Variants in PHYHIPL observed in about 807,000 individuals in gnomAD.
The protein encoded by PHYHIPL is phytanoyl-CoA hydroxylase-interacting protein-like.
A neutral mutation model predicts 33.4 loss-of-function variants in PHYHIPL; 9 were observed. That is an observed-to-expected ratio of 0.27 (90% CI 0.16 to 0.47). The LOEUF (loss-of-function observed/expected upper bound fraction) is 0.47. Among genes scored for constraint, PHYHIPL ranks in the 20% least tolerant of loss-of-function variants. The pLI is 0.99. For missense variants in PHYHIPL, 365 were observed against 460.7 expected (o/e 0.79, Z 1.90); for synonymous variants, 153 against 154.1 (o/e 0.99, Z 0.05).
intron 1 of PHYHIPL, among the ~76,000 whole-genome samples, chr10:59,233,986 T>C (rs2133285014): frequency 1.3e-5 from 2 of 151,858 alleles, no homozygotes; most frequent in Middle Eastern, 3.4e-3. Flanking sequence ...ATTATCAACA[T>C]GTCTATGAAA....
intron 1 of PHYHIPL, among the ~76,000 whole-genome samples, chr10:59,216,811 A>C (rs572128902): frequency 6.6e-6 from 1 of 152,260 alleles, no homozygotes; most frequent in Admixed American, 6.5e-5. Flanking sequence ...CTGAAGGGAT[A>C]TAGAAGTAAG....
At chr10:59,185,440 T>C (rs2133187628) in intron 1 of PHYHIPL, among the ~76,000 whole-genome samples, 1 of 152,314 alleles carries the variant, frequency 6.6e-6, no homozygotes, top group Non-Finnish European at 1.5e-5. Flanking sequence ...TGCATGTGTC[T>C]TTATAGCAGC....
chr10:59,197,060 A>G (rs1838942409), intron 1 of PHYHIPL, among the ~76,000 whole-genome samples: 4 of 152,318 alleles, frequency 2.6e-5, no homozygotes, highest in African/African-American at 9.6e-5. Context: ...CCACAAATTT[A>G]GAAGCATGTT....
At chr10:59,186,323 C>G (rs912774574) in intron 1 of PHYHIPL, among the ~76,000 whole-genome samples, 1 of 151,936 alleles carries the variant, frequency 6.6e-6, no homozygotes, top group African/African-American at 2.4e-5. Flanking sequence ...CCATTGGTCT[C>G]TATCTCTGTT....
rs147249230 is a variant in PHYHIPL at position 59,177,449 on chromosome 10, T to C, written c.106+490T>C. ...CTCAGACTCCCCAAATTAACAAGTC[T>C]TTTTAGCCTCTTGGATTGGGATTAG... On this transcript the variant is annotated intron_variant, in intron 1 of 4. Transcript: ENST00000373880. 3,185 of 1,512,310 alleles carry C rather than the reference T, an allele frequency of 2.1e-3. 11 individuals carry two copies. Among genetic ancestry groups the C allele is most frequent in the African/African-American group, 0.011 (783 of 71,616 alleles). 93.7% of individuals were successfully genotyped at this position (1,512,310 alleles called of 1,614,324 possible).
At chr10:59,185,199 C>G (rs1364949181) in intron 1 of PHYHIPL, among the ~76,000 whole-genome samples, 1 of 151,652 alleles carries the variant, frequency 6.6e-6, no homozygotes, top group Admixed American at 6.6e-5. Context: ...ACCGTTTTAG[C>G]CGGGATGGTC....
chr10:59,219,330 T>C (rs1210016798), intron 1 of PHYHIPL: 3 of 639,750 alleles, frequency 4.7e-6, no homozygotes, highest in Non-Finnish European at 3.9e-6. Context: ...TATTCTGTGA[T>C]ATGGTATATA....
Position 59,247,406 on chromosome 10 carries a change from T to G in PHYHIPL, c.*1815T>G. 1.8e-6 allele frequency: 1 copy of G among 555,648 alleles called. No individual in the cohort carries two copies. Among genetic ancestry groups the G allele is most frequent in the Non-Finnish European group, 3.1e-6 (1 of 324,202 alleles). 34.4% of individuals were successfully genotyped at this position (555,648 alleles called of 1,614,324 possible). A position where few individuals can be genotyped will look rare whatever the true frequency, so the allele number is the denominator to read the frequency against. On this transcript the variant is annotated 3_prime_UTR_variant, in exon 5 of 5. Transcript: ENST00000373880. ...TGGAGGACACTGAATTTTTTCCCAA[T>G]TATATGGCTACCTGTTGTATTCTTC...
At chr10:59,239,966 T>C (rs1403755395) in intron 4 of PHYHIPL, among the ~76,000 whole-genome samples, 1 of 152,090 alleles carries the variant, frequency 6.6e-6, no homozygotes, top group Non-Finnish European at 1.5e-5. Context: ...GTTCCAGATT[T>C]AAATCAGCTT....
chr10:59,201,593 G>A (rs1312031356), intron 1 of PHYHIPL, among the ~76,000 whole-genome samples: 1 of 152,140 alleles, frequency 6.6e-6, no homozygotes, highest in East Asian at 1.9e-4. Flanking sequence ...GCAGAGCTGA[G>A]TTCAAGATCT....
At chr10:59,181,800 A>G (rs193134785) in intron 1 of PHYHIPL, among the ~76,000 whole-genome samples, 1 of 151,568 alleles carries the variant, frequency 6.6e-6, no homozygotes, top group Non-Finnish European at 1.5e-5. Flanking sequence ...GTTCTAATTC[A>G]TTCCCAGGGA....
Position 59,180,307 on chromosome 10 carries a change from AGAAAAAG to A in PHYHIPL, c.106+3349_106+3355del, listed in dbSNP as rs1401589269. ...ACACACATATATAATATATATATAT[AGAAAAAG>A]TATATATATATATATATATATATAT... On this transcript the variant is annotated intron_variant, in intron 1 of 4. Transcript: ENST00000373880. Among the ~76,000 whole-genome samples the A allele has an allele frequency of 4.4e-5, 5 of 112,530 alleles. No individual in the cohort carries two copies. In the Admixed American group the frequency reaches 5.5e-4, roughly 12 times the overall value. The allele number at this position is 112,530 out of a possible 152,430, so 73.8% of individuals were successfully genotyped here.
intron 2 of PHYHIPL, among the ~76,000 whole-genome samples, chr10:59,234,862 T>A (rs539867053): frequency 1.9e-3 from 290 of 151,932 alleles, no homozygotes; most frequent in Non-Finnish European, 3.5e-3. Flanking sequence ...GATACAGGTG[T>A]AAACTGGTAT....
chr10:59,244,114 T>C (rs953271976), intron 4 of PHYHIPL, among the ~76,000 whole-genome samples: 1 of 152,056 alleles, frequency 6.6e-6, no homozygotes, highest in Admixed American at 6.6e-5. Context: ...GAAATGGAAG[T>C]GGCCAAGGGA....
chr10:59,177,320 A>G, intron 1 of PHYHIPL: 2 of 715,012 alleles, frequency 2.8e-6, no homozygotes, highest in South Asian at 4.3e-5. Context: ...ACTGAAGGGG[A>G]AATGCCCTCG....
chr10:59,202,830 A>C (rs991577132), intron 1 of PHYHIPL, among the ~76,000 whole-genome samples: 2 of 152,190 alleles, frequency 1.3e-5, no homozygotes, highest in Non-Finnish European at 2.9e-5. Context: ...AACTAATATC[A>C]TTCTACAAAA....
chr10:59,206,800 G>A (rs1182545483), intron 1 of PHYHIPL: 2 of 1,234,664 alleles, frequency 1.6e-6, no homozygotes, highest in Non-Finnish European at 2.1e-6. Context: ...AAGGATAAAA[G>A]CACCATTGGT....
chr10:59,177,714 G>T, intron 1 of PHYHIPL: 1 of 1,403,254 alleles, frequency 7.1e-7, no homozygotes, highest in Non-Finnish European at 9.9e-7. Flanking sequence ...AGGTCTGAGC[G>T]TTGAAGACAT....
intron 1 of PHYHIPL, among the ~76,000 whole-genome samples, chr10:59,190,931 T>C (rs1412089258): frequency 6.6e-6 from 1 of 151,910 alleles, no homozygotes; most frequent in Non-Finnish European, 1.5e-5. Flanking sequence ...TCCAAAACTA[T>C]TTTTTAAATA....
Sources: allele counts gnomAD v4.1 joint callset (sites outside exome capture counted in the v4.1 genomes callset), GRCh38; gene constraint gnomAD v4.1.1; transcripts MANE v1.5; gene names NCBI Gene and HGNC (gene_info 2026-07-23, HGNC 2026-07-21).